Variants in ATE1 observed in about 807,000 individuals in gnomAD.
ATE1 encodes the protein arginyltransferase 1, also known as arginyl-tRNA--protein transferase 1.
ATE1 carries 36 observed loss-of-function variants against 70.5 expected under a neutral mutation model. The ratio of observed to expected loss-of-function variants is 0.51; its 90% CI spans 0.39 to 0.67. ATE1 has a LOEUF of 0.67. ATE1 is among the 30% of genes least tolerant of loss of function. ATE1 has a pLI of 0.00. For synonymous variants in ATE1, 232 were observed against 219.3 expected, an observed-to-expected ratio of 1.06 and a Z score of -0.51; for missense variants, 593 against 629.5, an observed-to-expected ratio of 0.94 and a Z score of 0.62.
chr10:121,827,859 C>T (rs1948088478), intron 10 of ATE1, among the ~76,000 whole-genome samples: 1 of 152,006 alleles, frequency 6.6e-6, no homozygotes, highest in Admixed American at 6.6e-5. Flanking sequence ...AACAATAAAA[C>T]CAAAAAATTC....
Position 121,908,784 on chromosome 10 carries a change from C to A in ATE1, c.583+2122G>T, listed in dbSNP as rs761905528. Among the ~76,000 whole-genome samples the A allele has an allele frequency of 2.6e-5, 4 of 152,184 alleles. No homozygotes were observed. The East Asian group carries it at 7.7e-4, about 29-fold the overall frequency. On this transcript the variant is annotated intron_variant, in intron 5 of 11. Transcript: ENST00000224652. ...CTCAAATCTGATTAAGACTTGCCCCCCTGCCCCACGGCAAAAAAATAGACA... is the reference window on the plus strand; with the variant it reads ...CTCAAATCTGATTAAGACTTGCCCCACTGCCCCACGGCAAAAAAATAGACA...
intron 10 of ATE1, among the ~76,000 whole-genome samples, chr10:121,809,170 T>G (rs1285917192): frequency 6.6e-6 from 1 of 152,244 alleles, no homozygotes; most frequent in Non-Finnish European, 1.5e-5. Context: ...TCATTTTTAC[T>G]TGACAGCTTG....
chr10:121,768,355 G>C (rs933073943), intron 11 of ATE1, among the ~76,000 whole-genome samples: 3 of 151,970 alleles, frequency 2.0e-5, no homozygotes, highest in African/African-American at 2.4e-5. Context: ...ACAATTTATA[G>C]TTGTTTAAAA....
chr10:121,803,744 G>C (rs1946986717), intron 10 of ATE1, among the ~76,000 whole-genome samples: 1 of 152,144 alleles, frequency 6.6e-6, no homozygotes, highest in Non-Finnish European at 1.5e-5. Context: ...TATGAAAACA[G>C]AAAACATTTT....
At chr10:121,875,842 A>C (rs1214538922) in intron 7 of ATE1, among the ~76,000 whole-genome samples, 1 of 152,126 alleles carries the variant, frequency 6.6e-6, no homozygotes, top group Non-Finnish European at 1.5e-5. Flanking sequence ...AAACAAAAAA[A>C]CTCTTCTACT....
Position 121,743,642 on chromosome 10 carries a change from C to A in ATE1, c.*38G>T. The A allele has an allele frequency of 6.5e-7, 1 of 1,538,960 alleles. No homozygotes were observed. The highest frequency in any genetic ancestry group is 8.7e-7 in the Non-Finnish European group (1 of 1,145,604). ...GAATATGTATCCTGGCACAAATCAT[C>A]AGCACAACACAGGAACTTCCCGGCA... is the stretch of plus-strand genomic sequence containing the variant. On this transcript the variant is annotated 3_prime_UTR_variant, in exon 12 of 12. Coordinates refer to ENST00000224652, the MANE Select transcript of ATE1 (RefSeq NM_001001976.3).
intron 3 of ATE1, among the ~76,000 whole-genome samples, chr10:121,918,489 T>C (rs1951748792): frequency 6.6e-6 from 1 of 152,240 alleles, no homozygotes; most frequent in Admixed American, 6.5e-5. Flanking sequence ...AATAGTGCTT[T>C]CCATGTAACA....
intron 8 of ATE1, among the ~76,000 whole-genome samples, chr10:121,855,622 G>A (rs1168615968): frequency 6.6e-6 from 1 of 151,880 alleles, no homozygotes; most frequent in Non-Finnish European, 1.5e-5. Flanking sequence ...ACCTCCAGAG[G>A]GTATTAATAA....
chr10:121,743,824 C>T lies in ATE1; in HGVS notation c.1413G>A (p.Leu471=), dbSNP rs143026183. The change falls in exon 12 of 12, where the codon TTG becomes TTA. Residue 471 remains leucine (L), a synonymous_variant. Transcript: ENST00000224652. The part of the protein sequence containing the change: ...DEDRSTEPDR[L]QVFHKRAIMP... ...TGATGGCTCTCTTGTGAAACACCTG[C>T]AATCGGTCAGGTTCCGTACTGCGAT... 319 of 1,613,288 alleles carry T rather than the reference C, an allele frequency of 2.0e-4. 1 individual carries two copies. The highest frequency in any genetic ancestry group is 1.9e-4 in the Non-Finnish European group (220 of 1,179,880).
intron 10 of ATE1, among the ~76,000 whole-genome samples, chr10:121,815,261 G>C (rs917893093): frequency 1.3e-5 from 2 of 152,148 alleles, no homozygotes; most frequent in South Asian, 4.2e-4. Flanking sequence ...TCAGCCTCCC[G>C]AGTAGCTGGG....
intron 8 of ATE1, among the ~76,000 whole-genome samples, chr10:121,866,062 A>C (rs1158903321): frequency 6.6e-6 from 1 of 152,218 alleles, no homozygotes; most frequent in African/African-American, 2.4e-5. Flanking sequence ...CCATATTTGT[A>C]ATTTTCCTTC....
chr10:121,928,422 C>G (rs868556751), upstream of ATE1: 4 of 1,522,550 alleles, frequency 2.6e-6, no homozygotes, highest in Non-Finnish European at 3.5e-6. Flanking sequence ...TATTCCACCA[C>G]CGACGCCATG....
Position 121,786,584 on chromosome 10 carries a change from G to A in ATE1, c.1378+3585C>T, listed in dbSNP as rs144558218. Among the ~76,000 whole-genome samples the A allele has an allele frequency of 4.9e-3, 744 of 151,706 alleles. 6 individuals are homozygous for A. Among genetic ancestry groups the A allele is most frequent in the African/African-American group, 0.017 (685 of 41,358 alleles). The stretch of plus-strand genomic sequence containing the variant: ...CTTAAGAGACTGAGGCGGGAGGATC[G>A]TTTGAGCCCTGGAGGCAGAGGCTGC... On this transcript the variant is annotated intron_variant, in intron 11 of 11. Transcript: ENST00000224652.
chr10:121,903,872 T>C (rs1951081138), intron 5 of ATE1, among the ~76,000 whole-genome samples: 2 of 151,996 alleles, frequency 1.3e-5, no homozygotes, highest in African/African-American at 4.8e-5. Context: ...TAAATAAAAA[T>C]ACTTAGAAAA....
In ATE1 at chr10:121,828,421, C is replaced by T. The variant is rs954133391; in HGVS notation, c.1257+8297G>A. ...AGGTGGGTTTTCTTCTGGTCTGTCT[C>T]GAGCTCAGTCACGCAGGTGCATTCA... is the stretch of plus-strand genomic sequence containing the variant. On this transcript the variant is annotated intron_variant, in intron 10 of 11. Transcript: ENST00000224652. Among the ~76,000 whole-genome samples the T allele has an allele frequency of 2.6e-5, 4 of 152,160 alleles. No individual in the cohort carries two copies. In the East Asian group the frequency reaches 5.8e-4, roughly 22 times the overall value.
At chr10:121,845,016 T>A (rs540219024) in intron 8 of ATE1, among the ~76,000 whole-genome samples, 2 of 152,332 alleles carry the variant, frequency 1.3e-5, no homozygotes, top group Admixed American at 1.3e-4. Context: ...AAGCATTTTT[T>A]ATTTAAGGTA....
At chr10:121,908,227 G>A (rs1951279405) in intron 5 of ATE1, among the ~76,000 whole-genome samples, 1 of 152,152 alleles carries the variant, frequency 6.6e-6, no homozygotes, top group Non-Finnish European at 1.5e-5. Context: ...CTACCAGCCG[G>A]GTGCAGTGGC....
At chr10:121,918,809 C>T (rs1245454127) in intron 3 of ATE1, among the ~76,000 whole-genome samples, 3 of 48,298 alleles carry the variant, frequency 6.2e-5, no homozygotes, top group African/African-American at 9.0e-5. Context: ...TGGGTCGGGG[C>T]GGGGGTGGGG....
chr10:121,913,378 G>C (rs767278114), intron 4 of ATE1, among the ~76,000 whole-genome samples: 1 of 152,170 alleles, frequency 6.6e-6, no homozygotes, highest in African/African-American at 2.4e-5. Context: ...CAGAAAAGCT[G>C]ATCTTTATTC....
Sources: allele counts gnomAD v4.1 joint callset (sites outside exome capture counted in the v4.1 genomes callset), GRCh38; gene constraint gnomAD v4.1.1; transcripts MANE v1.5; gene names NCBI Gene and HGNC (gene_info 2026-07-23, HGNC 2026-07-21).